PCSK5: variants seen among roughly 807,000 people sequenced by gnomAD.
PCSK5 encodes the protein proprotein convertase subtilisin/kexin type 5.
Under a neutral mutation model 233.2 loss-of-function variants are expected in PCSK5, and 129 were observed. The ratio of observed to expected loss-of-function variants is 0.55; its 90% CI spans 0.48 to 0.64. The LOEUF is 0.64. Ranked by LOEUF, PCSK5 falls within the 30% of genes least tolerant of loss-of-function variation. The probability of loss-of-function intolerance (pLI) is 0.00; values close to 1 mark genes in which losing one functional copy is unlikely to be tolerated. For synonymous variants in PCSK5, 825 were observed against 879.2 expected, an observed-to-expected ratio of 0.94 and a Z score of 1.09; for missense variants, 2,076 against 2,430.1, an observed-to-expected ratio of 0.85 and a Z score of 3.06.
At position 76,190,626 on chromosome 9, in the gene PCSK5, A is replaced by G. The variant is rs190502554; in HGVS notation, c.2626+880A>G. ...TTTTAGCCAATCTCCTATTATTTGG[A>G]TTGTTTATAATTTTGATGTATAAAC... On this transcript the variant is annotated intron_variant, in intron 20 of 37. Coordinates refer to ENST00000674117, the MANE Select transcript of PCSK5 (RefSeq NM_001372043.1). 4.6e-3 allele frequency among the ~76,000 whole-genome samples: 706 copies of G among 152,246 alleles called. 7 individuals carry two copies. The highest frequency in any genetic ancestry group is 0.015 in the African/African-American group (632 of 41,556).
intron 2 of PCSK5, among the ~76,000 whole-genome samples, chr9:75,976,790 T>G (rs573294396): frequency 6.6e-6 from 1 of 151,916 alleles, no homozygotes; most frequent in Admixed American, 6.6e-5. Context: ...ATATTAAAAT[T>G]CAAATGTTTA....
At position 76,070,810 on chromosome 9, in the gene PCSK5, TA is replaced by T. The variant is rs766419723; in HGVS notation, c.722-914del. Among the ~76,000 whole-genome samples, 8 of 152,324 alleles carry T rather than the reference TA, an allele frequency of 5.3e-5. No individual in the cohort carries two copies. The Middle Eastern group carries it at 0.024, about 453-fold the overall frequency. The stretch of plus-strand genomic sequence containing the variant: ...TTATTATTTAATCCCCGTTTGTTGA[TA>T]ACCAATAAAAACTTAAAATCCTACT... On this transcript the variant is annotated intron_variant, in intron 6 of 37. Transcript: ENST00000674117.
upstream of PCSK5, chr9:75,890,604 A>T (rs1052164721): frequency 1.3e-5 from 2 of 152,572 alleles, no homozygotes; most frequent in Non-Finnish European, 2.9e-5. Context: ...GAGGAGGGCG[A>T]TGTGGGAAAG....
chr9:76,267,551 T>A (rs1033346070), intron 24 of PCSK5, among the ~76,000 whole-genome samples: 1 of 152,176 alleles, frequency 6.6e-6, no homozygotes, highest in Non-Finnish European at 1.5e-5. Context: ...GACTGGGTAT[T>A]TGGCTGTTCA....
intron 2 of PCSK5, among the ~76,000 whole-genome samples, chr9:75,961,260 G>T (rs1488062340): frequency 6.6e-6 from 1 of 152,160 alleles, no homozygotes; most frequent in African/African-American, 2.4e-5. Flanking sequence ...GATACAAAAT[G>T]CCACTCACTT....
intron 5 of PCSK5, among the ~76,000 whole-genome samples, chr9:76,064,389 A>G (rs1164133643): frequency 2.1e-4 from 17 of 82,488 alleles, no homozygotes; most frequent in African/African-American, 6.5e-4. Flanking sequence ...CCCGGACGGC[A>G]CGGCTGGCCA....
rs190578472 is a variant in PCSK5, at chr9:76,352,510, C to A, written c.5068-1523C>A. ...AGATGAAGTTGCTGTGGTTGAAATG[C>A]TTCTGACCACGATGCCCAGCTAATT... On this transcript the variant is annotated intron_variant, in intron 36 of 37. Coordinates refer to ENST00000674117, the MANE Select transcript of PCSK5 (RefSeq NM_001372043.1). Among the ~76,000 whole-genome samples the A allele has an allele frequency of 3.3e-4, 50 of 152,112 alleles. No individual in the cohort carries two copies. In the East Asian group the frequency reaches 9.5e-3, roughly 29 times the overall value.
chr9:76,137,778 A>G (rs1383144280), intron 10 of PCSK5, among the ~76,000 whole-genome samples: 2 of 152,122 alleles, frequency 1.3e-5, no homozygotes, highest in Non-Finnish European at 2.9e-5. Context: ...GCTACCAGAG[A>G]ACTGAAATCC....
intron 2 of PCSK5, among the ~76,000 whole-genome samples, chr9:75,952,348 T>C (rs4504704): frequency 0.79 from 120,068 of 152,122 alleles, 47,550 homozygotes; most frequent in East Asian, 0.84. Context: ...ATCGCACAAA[T>C]TTCCCTTAAG....
chr9:76,158,946 G>A (rs1822727425), intron 11 of PCSK5, 37 bp from the exon 12 acceptor site: 1 of 1,565,634 alleles, frequency 6.4e-7, no homozygotes, highest in Non-Finnish European at 8.8e-7. Flanking sequence ...GCTCTGTGAT[G>A]TCATTTGCTC....
At chr9:76,236,887 G>T (rs17720851) in intron 22 of PCSK5, among the ~76,000 whole-genome samples, 2 of 152,096 alleles carry the variant, frequency 1.3e-5, no homozygotes, top group Non-Finnish European at 2.9e-5. Context: ...TAAGATTGAT[G>T]ATCCAGTTGG....
chr9:75,947,179 A>T (rs192820964), intron 2 of PCSK5, among the ~76,000 whole-genome samples: 286 of 152,338 alleles, frequency 1.9e-3, no homozygotes, highest in African/African-American at 6.5e-3. Context: ...ATAGCAAAAC[A>T]TTGTACTTAA....
At chr9:76,121,356 A>G (rs1537182) in intron 9 of PCSK5, among the ~76,000 whole-genome samples, 72,550 of 151,644 alleles carry the variant, frequency 0.48, 17,730 homozygotes, top group Admixed American at 0.52. Context: ...TTAATATGCT[A>G]TTGGTTTCAT....
chr9:76,189,757 C>T lies in PCSK5; in HGVS notation c.2626+11C>T. 1 of 1,304,650 alleles carries T rather than the reference C, an allele frequency of 7.7e-7. No individual in the cohort carries two copies. Among genetic ancestry groups the T allele is most frequent in the Non-Finnish European group, 1.1e-6 (1 of 902,380 alleles). The allele number at this position is 1,304,650 out of a possible 1,614,324, so 80.8% of individuals were successfully genotyped here. On this transcript the variant is annotated intron_variant, in intron 20 of 37. Transcript: ENST00000674117. ...CCATTTGCAAGGATGGTGAGTACAA[C>T]TGCCCATATCGATCTTATGAAGCAA...
intron 3 of PCSK5, among the ~76,000 whole-genome samples, chr9:76,017,110 C>T (rs554527028): frequency 1.3e-4 from 20 of 152,294 alleles, no homozygotes; most frequent in Non-Finnish European, 1.9e-4. Flanking sequence ...AAGGATGATT[C>T]ATAGGATACC....
At chr9:76,205,686 T>C (rs1825088967) in intron 20 of PCSK5, among the ~76,000 whole-genome samples, 1 of 152,240 alleles carries the variant, frequency 6.6e-6, no homozygotes, top group Non-Finnish European at 1.5e-5. Context: ...CGAGACAACA[T>C]CAGCCTCCTT....
At chr9:76,245,521 A>G (rs1826563921) in intron 24 of PCSK5, among the ~76,000 whole-genome samples, 1 of 152,202 alleles carries the variant, frequency 6.6e-6, no homozygotes, top group South Asian at 2.1e-4. Flanking sequence ...TTAGACAGAT[A>G]AGAGAGAAGA....
chr9:75,918,623 T>G (rs997798511), intron 1 of PCSK5, among the ~76,000 whole-genome samples: 1 of 152,248 alleles, frequency 6.6e-6, no homozygotes, highest in African/African-American at 2.4e-5. Flanking sequence ...TAGTTCCAAA[T>G]GACTCCATCA....
At chr9:76,077,247 C>T (rs1452845643) in intron 7 of PCSK5, among the ~76,000 whole-genome samples, 5 of 152,126 alleles carry the variant, frequency 3.3e-5, no homozygotes, top group Non-Finnish European at 7.4e-5. Flanking sequence ...GCCACCTCCT[C>T]CATTTGTTCA....
Sources: gnomAD v4.1 joint callset for allele counts (sites outside exome capture counted in the v4.1 genomes callset) on GRCh38, gnomAD v4.1.1 for gene constraint, MANE v1.5 for transcripts, NCBI Gene and HGNC (gene_info 2026-07-23, HGNC 2026-07-21) for gene names.